The following THEMIS variants were observed in gnomAD, a reference collection of about 807,000 sequenced individuals.
THEMIS encodes the protein protein THEMIS.
THEMIS carries 37 observed loss-of-function variants against 52.6 expected under a neutral mutation model. That is an observed-to-expected ratio of 0.70 (90% CI 0.54 to 0.93). The LOEUF is 0.93. Ranked by LOEUF, THEMIS falls within the 40% of genes least tolerant of loss-of-function variation. The pLI is 0.00. For synonymous variants in THEMIS, 292 were observed against 272.7 expected (o/e 1.07, Z -0.70); for missense variants, 808 against 763.1 (o/e 1.06, Z -0.69).
At chr6:127,852,878 A>G (rs1779478869) in intron 2 of THEMIS, among the ~76,000 whole-genome samples, 1 of 151,570 alleles carries the variant, frequency 6.6e-6, no homozygotes, top group African/African-American at 2.4e-5. Flanking sequence ...CCTTTACAAT[A>G]AAACTGTTTT....
intron 4 of THEMIS, among the ~76,000 whole-genome samples, chr6:127,784,869 A>G (rs1776870204): frequency 1.3e-5 from 2 of 152,170 alleles, no homozygotes; most frequent in Non-Finnish European, 2.9e-5. Flanking sequence ...TATCTCTAAC[A>G]ACTGAAAGAG....
intron 4 of THEMIS, among the ~76,000 whole-genome samples, chr6:127,791,576 G>A (rs918272544): frequency 6.6e-5 from 10 of 152,250 alleles, no homozygotes; most frequent in South Asian, 2.1e-4. Flanking sequence ...GCTTCAGGCC[G>A]TCCCTGGCCT....
chr6:127,834,417 CAAAA>C (rs34484234), intron 2 of THEMIS, among the ~76,000 whole-genome samples: 5 of 99,414 alleles, frequency 5.0e-5, no homozygotes, highest in Non-Finnish European at 4.0e-5. Flanking sequence ...ACTAAAAATA[CAAAA>C]AAAAAAAAAA....
chr6:127,771,837 A>G (rs1220577118), intron 4 of THEMIS, among the ~76,000 whole-genome samples: 1 of 152,066 alleles, frequency 6.6e-6, no homozygotes, highest in East Asian at 1.9e-4. Context: ...TTAGCCCACT[A>G]TATCTTCCTC....
At chr6:127,781,554 T>C (rs1453348687) in intron 4 of THEMIS, among the ~76,000 whole-genome samples, 1 of 152,184 alleles carries the variant, frequency 6.6e-6, no homozygotes, top group Non-Finnish European at 1.5e-5. Flanking sequence ...TTGATGTTGG[T>C]GACCTTTGGA....
chr6:127,834,437 A>T (rs1218715260), intron 2 of THEMIS, among the ~76,000 whole-genome samples: 2 of 133,060 alleles, frequency 1.5e-5, no homozygotes, highest in African/African-American at 5.5e-5. Context: ...AAAAAAAAAA[A>T]GCTGGGCGTG....
At chr6:127,901,648 A>G (rs1242437787), upstream of THEMIS, among the ~76,000 whole-genome samples, 1 of 152,084 alleles carries the variant, frequency 6.6e-6, no homozygotes, top group Non-Finnish European at 1.5e-5. Context: ...GAGTTTTCTA[A>G]TCTCTACACT....
At position 127,813,946 on chromosome 6, in the gene THEMIS, T is replaced by C; in HGVS notation, c.710-15A>G. 6.6e-7 allele frequency: 1 copy of C among 1,516,692 alleles called. No homozygotes were observed. Among genetic ancestry groups the C allele is most frequent in the South Asian group, 1.4e-5 (1 of 73,662 alleles). The allele number at this position is 1,516,692 out of a possible 1,614,324, so 94.0% of individuals were successfully genotyped here. ...ATCTTTTCGAACTAAAAAGAAAAAA[T>C]AAATCACTATGATATTTTTGTACTT... On this transcript the variant is annotated splice_polypyrimidine_tract_variant and intron_variant, in intron 3 of 5. Coordinates refer to ENST00000368248, the MANE Select transcript of THEMIS (RefSeq NM_001010923.3).
At chr6:127,720,977 C>T (rs1468006614) in intron 4 of THEMIS, among the ~76,000 whole-genome samples, 1 of 151,902 alleles carries the variant, frequency 6.6e-6, no homozygotes, top group Non-Finnish European at 1.5e-5. Context: ...CAGGGCCCTC[C>T]TACTCTGACT....
intron 3 of THEMIS, among the ~76,000 whole-genome samples, chr6:127,818,578 C>A (rs1198403105): frequency 7.3e-6 from 1 of 136,240 alleles, no homozygotes; most frequent in Non-Finnish European, 1.6e-5. Context: ...TCATGTCTGG[C>A]TTTCAAAAAA....
chr6:127,904,306 G>A (rs921255790), upstream of THEMIS, among the ~76,000 whole-genome samples: 4 of 152,062 alleles, frequency 2.6e-5, no homozygotes, highest in African/African-American at 9.7e-5. Flanking sequence ...AGCTGAAGAA[G>A]CCAAGGAGTG....
chr6:127,760,103 G>A (rs1327528014), intron 4 of THEMIS, among the ~76,000 whole-genome samples: 1 of 144,320 alleles, frequency 6.9e-6, no homozygotes, highest in African/African-American at 2.5e-5. Context: ...TTTTGCATGT[G>A]GATTTCTAGT....
At position 127,790,774 on chromosome 6, in the gene THEMIS, A is replaced by G. The variant is rs1287277668; in HGVS notation, c.1758+22109T>C. 1.3e-5 allele frequency among the ~76,000 whole-genome samples: 2 copies of G among 152,182 alleles called. 1 individual carries two copies. The highest frequency in any genetic ancestry group is 1.3e-4 in the Admixed American group (2 of 15,280). ...GCACAGAGCGGTGAGGATTGTGTGA[A>G]TGAGCAAGCATGGGGTCCAGCCACT... On this transcript the variant is annotated intron_variant, in intron 4 of 5. Transcript: ENST00000368248.
At chr6:127,887,013 C>G (rs938551813) in intron 1 of THEMIS, among the ~76,000 whole-genome samples, 1 of 151,730 alleles carries the variant, frequency 6.6e-6, no homozygotes. Flanking sequence ...CCTACCTCCC[C>G]CCCCAAAAAA....
intron 2 of THEMIS, among the ~76,000 whole-genome samples, chr6:127,835,658 G>A (rs1050858471): frequency 1.3e-5 from 2 of 152,158 alleles, no homozygotes; most frequent in Admixed American, 6.5e-5. Flanking sequence ...CAATGCCAAC[G>A]AGGACAAATT....
rs763367851 is a variant in THEMIS at position 127,829,543 on chromosome 6, T to C, written c.642A>G (p.Pro214=). 4 of 1,613,624 alleles carry C rather than the reference T, an allele frequency of 2.5e-6. No homozygotes were observed. In the African/African-American group the frequency reaches 5.3e-5, roughly 22 times the overall value. The change falls in exon 3 of 6, where the codon CCA becomes CCG. Residue 214 remains proline (P), a synonymous_variant. Coordinates refer to ENST00000368248, the MANE Select transcript of THEMIS (RefSeq NM_001010923.3). ...DFSNKWDSTN[P]FPKDFYGTLI... ...GGGTACCATAAAAGTCTTTAGGAAA[T>C]GGATTCGTTGAGTCCCACTTATTTG...
Position 127,813,041 on chromosome 6 carries a change from C to A in THEMIS, c.1600G>T (p.Glu534Ter), listed in dbSNP as rs368547628. The A allele has an allele frequency of 3.7e-6, 6 of 1,614,124 alleles. No homozygotes were observed. Among genetic ancestry groups the A allele is most frequent in the Admixed American group, 1.7e-5 (1 of 59,996 alleles). ...EPFLVRTLVE[E>*]ITEEQYYMMR... ...ATGTAATATTGCTCTTCAGTGATCT[C>A]TTCTACCAGAGTCCTGACTAGAAAT... Residue 534 changes from glutamate to a stop codon, truncating the protein, a stop_gained, in exon 4 of 6, where the codon GAG becomes TAG. Coordinates refer to ENST00000368248, the MANE Select transcript of THEMIS (RefSeq NM_001010923.3). LOFTEE classifies it high-confidence loss of function.
intron 4 of THEMIS, among the ~76,000 whole-genome samples, chr6:127,765,510 T>A (rs909767554): frequency 6.6e-6 from 1 of 152,108 alleles, no homozygotes; most frequent in Non-Finnish European, 1.5e-5. Context: ...TGAAAAGAAA[T>A]TTGTAATGCC....
Position 127,709,662 on chromosome 6 carries a change from C to T in THEMIS, c.*323G>A, listed in dbSNP as rs961426927. The stretch of plus-strand genomic sequence containing the variant: ...CTGGTTTTACTCAGAAACTGAAATA[C>T]AGAATTATTTCCCAATTACTTAGTT... On this transcript the variant is annotated 3_prime_UTR_variant, in exon 6 of 6. Coordinates refer to ENST00000368248, the MANE Select transcript of THEMIS (RefSeq NM_001010923.3). 9 of 225,226 alleles carry T rather than the reference C, an allele frequency of 4.0e-5. No homozygotes were observed. Among genetic ancestry groups the T allele is most frequent in the Non-Finnish European group, 6.0e-5 (7 of 116,616 alleles). 14.0% of individuals were successfully genotyped at this position (225,226 alleles called of 1,614,324 possible). A position where few individuals can be genotyped will look rare whatever the true frequency, so the allele number is the denominator to read the frequency against.
Sources: allele counts gnomAD v4.1 joint callset (sites outside exome capture counted in the v4.1 genomes callset), GRCh38; gene constraint gnomAD v4.1.1; transcripts MANE v1.5; gene names NCBI Gene and HGNC (gene_info 2026-07-23, HGNC 2026-07-21).